The following UBE3D variants were observed in gnomAD, a reference collection of about 807,000 sequenced individuals.
UBE3D encodes E3 ubiquitin-protein ligase E3D.
A neutral mutation model predicts 49.6 loss-of-function variants in UBE3D; 48 were observed. That is an observed-to-expected ratio of 0.97 (90% confidence interval 0.77 to 1.23). The LOEUF (loss-of-function observed/expected upper bound fraction) is 1.23, where lower values mean the gene tolerates loss of function less well. Ranked by LOEUF, UBE3D falls within the 50% of genes most tolerant of loss-of-function variation. The probability of loss-of-function intolerance (pLI) is 0.00; values close to 1 mark genes in which losing one functional copy is unlikely to be tolerated. For missense variants in UBE3D, 452 were observed against 468.4 expected, an observed-to-expected ratio of 0.96 and a Z score of 0.32; for synonymous variants, 189 against 174.2, an observed-to-expected ratio of 1.08 and a Z score of -0.67.
intron 8 of UBE3D, among the ~76,000 whole-genome samples, chr6:82,981,170 C>T (rs970899475): frequency 3.3e-5 from 5 of 152,104 alleles, no homozygotes; most frequent in Non-Finnish European, 7.4e-5. Flanking sequence ...TGAACATGCA[C>T]GTTTCTCCCA....
intron 8 of UBE3D, among the ~76,000 whole-genome samples, chr6:83,004,435 C>T (rs923570814): frequency 1.3e-5 from 2 of 152,104 alleles, no homozygotes; most frequent in East Asian, 3.9e-4. Flanking sequence ...CTTTTTTGTA[C>T]TCAGATTTCT....
At chr6:82,907,769 A>G (rs1007920818) in intron 9 of UBE3D, among the ~76,000 whole-genome samples, 1 of 152,216 alleles carries the variant, frequency 6.6e-6, no homozygotes, top group Non-Finnish European at 1.5e-5. Context: ...GCACTTTGCA[A>G]AAGTGTTTAG....
chr6:83,047,639 C>A (rs1318682484), intron 3 of UBE3D, among the ~76,000 whole-genome samples: 1 of 152,176 alleles, frequency 6.6e-6, no homozygotes, highest in Non-Finnish European at 1.5e-5. Context: ...CCTGTGGTAG[C>A]CTTGTGAGTC....
intron 8 of UBE3D, among the ~76,000 whole-genome samples, chr6:83,005,511 G>T (rs1033033155): frequency 6.6e-6 from 1 of 152,044 alleles, no homozygotes; most frequent in Non-Finnish European, 1.5e-5. Flanking sequence ...GACTGAGCAT[G>T]GTGGCTCAGG....
intron 9 of UBE3D, among the ~76,000 whole-genome samples, chr6:82,935,985 A>G (rs577709189): frequency 2.9e-4 from 44 of 152,312 alleles, no homozygotes; most frequent in African/African-American, 1.0e-3. Context: ...ATTTAAAATA[A>G]TGGATTTTTG....
At chr6:82,897,798 C>T (rs7740347) in intron 9 of UBE3D, among the ~76,000 whole-genome samples, 7,780 of 152,118 alleles carry the variant, frequency 0.051, 616 homozygotes, top group African/African-American at 0.17. Flanking sequence ...GCGTTAATTG[C>T]GACCATGTTG....
intron 8 of UBE3D, among the ~76,000 whole-genome samples, chr6:82,982,387 G>A (rs1259356374): frequency 2.0e-5 from 3 of 152,010 alleles, no homozygotes; most frequent in African/African-American, 7.2e-5. Context: ...AATTTTCTTT[G>A]AGATCCAAAT....
At chr6:82,911,123 C>A (rs1402753416) in intron 9 of UBE3D, among the ~76,000 whole-genome samples, 1 of 139,240 alleles carries the variant, frequency 7.2e-6, no homozygotes, top group Non-Finnish European at 1.5e-5. Context: ...TTCACTATAG[C>A]CATAATGTCA....
intron 3 of UBE3D, among the ~76,000 whole-genome samples, chr6:83,053,482 T>C (rs1286173140): frequency 2.0e-5 from 3 of 152,104 alleles, no homozygotes; most frequent in Non-Finnish European, 4.4e-5. Flanking sequence ...GAGGAAGGGT[T>C]TGTGCCCAAG....
intron 5 of UBE3D, among the ~76,000 whole-genome samples, chr6:83,033,937 A>G (rs1782059136): frequency 6.6e-6 from 1 of 152,172 alleles, no homozygotes; most frequent in Non-Finnish European, 1.5e-5. Flanking sequence ...TTGGGAAGAT[A>G]TAAGGTGACA....
At chr6:82,989,771 C>G (rs1032609619) in intron 8 of UBE3D, among the ~76,000 whole-genome samples, 2 of 152,058 alleles carry the variant, frequency 1.3e-5, no homozygotes, top group Non-Finnish European at 2.9e-5. Flanking sequence ...CAATTCAATC[C>G]CATCTTCAAA....
At chr6:82,927,579 C>A (rs147277386) in intron 9 of UBE3D, among the ~76,000 whole-genome samples, 1 of 152,140 alleles carries the variant, frequency 6.6e-6, no homozygotes, top group African/African-American at 2.4e-5. Flanking sequence ...AGATCTTATA[C>A]ATATTTTGCT....
intron 8 of UBE3D, among the ~76,000 whole-genome samples, chr6:83,008,337 T>C (rs1416267766): frequency 1.3e-5 from 2 of 152,152 alleles, no homozygotes; most frequent in Non-Finnish European, 2.9e-5. Context: ...GAAGTTAATA[T>C]AGAGTCTAAA....
intron 9 of UBE3D, among the ~76,000 whole-genome samples, chr6:82,954,071 G>A (rs1448526975): frequency 6.6e-6 from 1 of 152,224 alleles, no homozygotes; most frequent in Non-Finnish European, 1.5e-5. Flanking sequence ...GAGAGCCAGA[G>A]ATGAGGTCAG....
At chr6:82,922,920 A>G (rs1439723156) in intron 9 of UBE3D, among the ~76,000 whole-genome samples, 3 of 152,224 alleles carry the variant, frequency 2.0e-5, no homozygotes, top group Non-Finnish European at 4.4e-5. Context: ...ACACTTCTCA[A>G]AAGAAGACAT....
chr6:82,889,871 A>G (rs766191282), downstream of UBE3D, among the ~76,000 whole-genome samples: 5 of 151,588 alleles, frequency 3.3e-5, no homozygotes, highest in Non-Finnish European at 5.9e-5. Flanking sequence ...TAGGTTTGCC[A>G]AAATGAGTGG....
chr6:83,006,323 T>C (rs1779977122), intron 8 of UBE3D, among the ~76,000 whole-genome samples: 1 of 152,172 alleles, frequency 6.6e-6, no homozygotes, highest in Non-Finnish European at 1.5e-5. Flanking sequence ...AATGTCCTTG[T>C]ATTTGGAGAT....
At chr6:83,037,695 C>T (rs1782362881) in intron 5 of UBE3D, 2 of 152,146 alleles carry the variant, frequency 1.3e-5, no homozygotes, top group Admixed American at 1.3e-4. Flanking sequence ...TATTCATCAT[C>T]CAAAGCTAAC....
At chr6:82,932,638 G>A (rs187908066) in intron 9 of UBE3D, 1 of 152,320 alleles carries the variant, frequency 6.6e-6, no homozygotes, top group African/African-American at 2.4e-5. Context: ...TGTGGAAGAA[G>A]TGTGAGGAAC....
Sources: allele counts gnomAD v4.1 joint callset (sites outside exome capture counted in the v4.1 genomes callset), GRCh38; gene constraint gnomAD v4.1.1; transcripts MANE v1.5; gene names NCBI Gene and HGNC (gene_info 2026-07-23, HGNC 2026-07-21).